The following NRG3 variants were observed in gnomAD, a reference collection of about 807,000 sequenced individuals.
NRG3 encodes pro-neuregulin-3, membrane-bound isoform.
NRG3 carries 31 observed loss-of-function variants against 66.9 expected under a neutral mutation model. The observed-to-expected ratio is 0.46, with a 90% CI of 0.35 to 0.63. The LOEUF is 0.63. NRG3 is among the 20% of genes least tolerant of loss of function. NRG3 has a pLI of 0.00. For missense variants in NRG3, 910 were observed against 878.9 expected, an observed-to-expected ratio of 1.04 and a Z score of -0.45; for synonymous variants, 393 against 359.4, an observed-to-expected ratio of 1.09 and a Z score of -1.06.
intron 1 of NRG3, among the ~76,000 whole-genome samples, chr10:81,992,190 A>G (rs1182782805): frequency 3.9e-5 from 6 of 152,172 alleles, no homozygotes; most frequent in Admixed American, 3.9e-4. Flanking sequence ...ATAGTTTAAA[A>G]AATAAAATTA....
intron 1 of NRG3, among the ~76,000 whole-genome samples, chr10:82,309,697 A>G (rs2080925569): frequency 6.6e-6 from 1 of 152,178 alleles, no homozygotes; most frequent in Non-Finnish European, 1.5e-5. Context: ...AGGCTAAAAA[A>G]TTGACTGAAA....
At chr10:82,536,046 A>C (rs969491164) in intron 2 of NRG3, among the ~76,000 whole-genome samples, 4 of 152,016 alleles carry the variant, frequency 2.6e-5, no homozygotes, top group African/African-American at 9.7e-5. Flanking sequence ...GTAAATGTTG[A>C]TCTCAGGCTC....
chr10:82,414,371 G>A (rs770876641), intron 2 of NRG3, among the ~76,000 whole-genome samples: 2 of 152,064 alleles, frequency 1.3e-5, no homozygotes, highest in Non-Finnish European at 2.9e-5. Flanking sequence ...TCTTATATGG[G>A]CATGGTTTGT....
In NRG3 at chr10:82,304,983, C is replaced by CTT. The variant is rs760661674; in HGVS notation, c.824-53728_824-53727dup. On this transcript the variant is annotated intron_variant, in intron 1 of 8. Coordinates refer to ENST00000372141, the MANE Select transcript of NRG3 (RefSeq NM_001010848.4). ...ATGTTTATTAAGTCATCAGATTCCTCTTTTTTTTTTTTTTTTTTTTTTTTT... is the reference window on the plus strand; with the variant it reads ...ATGTTTATTAAGTCATCAGATTCCTCTTTTTTTTTTTTTTTTTTTTTTTTTTT... Among the ~76,000 whole-genome samples, 187 of 73,882 alleles carry CTT rather than the reference C, an allele frequency of 2.5e-3. 13 individuals carry two copies. The highest frequency in any genetic ancestry group is 4.7e-3 in the African/African-American group (74 of 15,746). The allele number at this position is 73,882 out of a possible 152,430, so 48.5% of individuals were successfully genotyped here.
chr10:82,724,517 G>C (rs2057485183), intron 2 of NRG3, among the ~76,000 whole-genome samples: 1 of 152,184 alleles, frequency 6.6e-6, no homozygotes, highest in Admixed American at 6.5e-5. Flanking sequence ...GCTGTTGAAT[G>C]AGGGTTTGGC....
chr10:82,832,266 G>T (rs1168022914), intron 3 of NRG3, among the ~76,000 whole-genome samples: 1 of 152,158 alleles, frequency 6.6e-6, no homozygotes, highest in African/African-American at 2.4e-5. Flanking sequence ...GCTAGTCTGT[G>T]GAGACAGGGG....
chr10:82,083,470 C>T (rs1395372724), intron 1 of NRG3, among the ~76,000 whole-genome samples: 2 of 152,124 alleles, frequency 1.3e-5, no homozygotes, highest in African/African-American at 4.8e-5. Context: ...GCCTTTCCTC[C>T]TGTGAACTGA....
In NRG3 at chr10:82,986,263, CAA is replaced by C; in HGVS notation, c.*664_*665del. ...TATGAAATTATTACAGAAAAAGAGA[CAA>C]AAAAATCCTTATATCGTGTCACTAA... On this transcript the variant is annotated 3_prime_UTR_variant, in exon 9 of 9. Transcript: ENST00000372141. The C allele has an allele frequency of 6.6e-6, 1 of 152,132 alleles. No individual in the cohort carries two copies. Among genetic ancestry groups the C allele is most frequent in the Non-Finnish European group, 1.5e-5 (1 of 67,990 alleles). 9.4% of individuals were successfully genotyped at this position (152,132 alleles called of 1,614,324 possible).
chr10:82,235,614 A>G (rs1266866667), intron 1 of NRG3, among the ~76,000 whole-genome samples: 8 of 152,166 alleles, frequency 5.3e-5, no homozygotes, highest in South Asian at 4.1e-4. Context: ...TTTATCTCTC[A>G]TAGAGCTCTA....
intron 1 of NRG3, among the ~76,000 whole-genome samples, chr10:82,051,171 G>C (rs370759296): frequency 3.9e-5 from 6 of 151,900 alleles, no homozygotes; most frequent in African/African-American, 1.2e-4. Context: ...TTGATTTTTT[G>C]CTTCCTATTT....
chr10:82,624,299 T>C (rs551860212), intron 2 of NRG3, among the ~76,000 whole-genome samples: 2 of 152,316 alleles, frequency 1.3e-5, no homozygotes, highest in East Asian at 1.9e-4. Context: ...GCCAGTTTTA[T>C]TGACTTGCTG....
chr10:82,309,797 T>A (rs2080929769), intron 1 of NRG3, among the ~76,000 whole-genome samples: 1 of 152,190 alleles, frequency 6.6e-6, no homozygotes, highest in Admixed American at 6.5e-5. Context: ...GGTGAAGGTG[T>A]GAGCAGGTAA....
intron 1 of NRG3, among the ~76,000 whole-genome samples, chr10:81,965,841 GTTTC>G (rs1396648387): frequency 6.6e-6 from 1 of 151,888 alleles, no homozygotes; most frequent in East Asian, 1.9e-4. Context: ...AGACAGTTTT[GTTTC>G]TTTCTTCTAA....
intron 1 of NRG3, among the ~76,000 whole-genome samples, chr10:82,156,367 A>G (rs2132870846): frequency 6.6e-6 from 1 of 151,622 alleles, no homozygotes; most frequent in East Asian, 1.9e-4. Flanking sequence ...TCCATGTAAC[A>G]TGATCCCCCA....
At chr10:82,950,465 C>A (rs1849414832) in intron 4 of NRG3, among the ~76,000 whole-genome samples, 1 of 152,132 alleles carries the variant, frequency 6.6e-6, no homozygotes, top group Non-Finnish European at 1.5e-5. Context: ...GATTGCTGTT[C>A]TTTATTGGTG....
At chr10:82,256,872 C>T (rs2077755380) in intron 1 of NRG3, among the ~76,000 whole-genome samples, 1 of 152,162 alleles carries the variant, frequency 6.6e-6, no homozygotes, top group South Asian at 2.1e-4. Flanking sequence ...CATTATGTCT[C>T]TATCTATGAT....
At chr10:82,679,601 T>C (rs2053962243) in intron 2 of NRG3, among the ~76,000 whole-genome samples, 1 of 152,226 alleles carries the variant, frequency 6.6e-6, no homozygotes, top group South Asian at 2.1e-4. Flanking sequence ...GTTCAAAAAT[T>C]ATTAAGAATT....
chr10:82,280,261 A>G (rs1376781752), intron 1 of NRG3, among the ~76,000 whole-genome samples: 3 of 152,226 alleles, frequency 2.0e-5, no homozygotes, highest in African/African-American at 7.2e-5. Flanking sequence ...GTGATATTAA[A>G]TAGGGCACAA....
chr10:82,731,366 CAAAAAAAA>C (rs557587083), intron 2 of NRG3, among the ~76,000 whole-genome samples: 1 of 85,424 alleles, frequency 1.2e-5, no homozygotes, highest in Non-Finnish European at 2.5e-5. Context: ...TACTCTGTCT[CAAAAAAAA>C]AAAAAAAAAA....
Sources: gnomAD v4.1 joint callset for allele counts (sites outside exome capture counted in the v4.1 genomes callset) on GRCh38, gnomAD v4.1.1 for gene constraint, MANE v1.5 for transcripts, NCBI Gene and HGNC (gene_info 2026-07-23, HGNC 2026-07-21) for gene names.